The following CD163L1 variants were observed in gnomAD, a reference collection of about 807,000 sequenced individuals.
CD163L1 encodes the protein CD163 molecule like 1, also known as scavenger receptor cysteine-rich type 1 protein M160.
Under a neutral mutation model 165.4 loss-of-function variants are expected in CD163L1, and 124 were observed. The ratio of observed to expected loss-of-function variants is 0.75; its 90% CI spans 0.65 to 0.87. The LOEUF (loss-of-function observed/expected upper bound fraction) is 0.87, where lower values mean the gene tolerates loss of function less well. CD163L1 is among the 40% of genes least tolerant of loss of function. The pLI, the probability that CD163L1 is intolerant of heterozygous loss-of-function variation, is 0.00. For synonymous variants in CD163L1, 585 were observed against 662.2 expected, an observed-to-expected ratio of 0.88 and a Z score of 1.79; for missense variants, 1,525 against 1,799.9, an observed-to-expected ratio of 0.85 and a Z score of 2.76.
intron 18 of CD163L1, among the ~76,000 whole-genome samples, chr12:7,362,768 A>G (rs936299731): frequency 6.7e-6 from 1 of 149,394 alleles, no homozygotes; most frequent in Non-Finnish European, 1.5e-5. Flanking sequence ...TGATCCAGCA[A>G]TCCTCCTACT....
intron 4 of CD163L1, among the ~76,000 whole-genome samples, chr12:7,412,868 G>T (rs1278604656): frequency 6.6e-6 from 1 of 152,006 alleles, no homozygotes; most frequent in Non-Finnish European, 1.5e-5. Context: ...AGGCCGAGGC[G>T]GGTAGATCAC....
At chr12:7,380,372 T>TGTATGTGTGTATACGCGTATACAC (rs1565784301) in intron 8 of CD163L1, among the ~76,000 whole-genome samples, 1,765 of 145,102 alleles carry the variant, frequency 0.012, 46 homozygotes, top group Non-Finnish European at 0.021. Flanking sequence ...CGCGTATACA[T>TGTATGTGTGTATACGCGTATACAC]ACATGTATGT....
chr12:7,433,798 A>T (rs934761572), intron 2 of CD163L1, 104 bp from the exon 3 acceptor site: 2 of 845,250 alleles, frequency 2.4e-6, no homozygotes, highest in Non-Finnish European at 3.6e-6. Context: ...AAATGTTGTT[A>T]TTAGAACTTA....
At chr12:7,362,685 T>C (rs1483749665) in intron 18 of CD163L1, among the ~76,000 whole-genome samples, 1 of 146,500 alleles carries the variant, frequency 6.8e-6, no homozygotes, top group East Asian at 1.9e-4. Context: ...TTTATATTAA[T>C]ATAATTATAC....
At position 7,433,709 on chromosome 12, in the gene CD163L1, G is replaced by T; in HGVS notation, c.125-15C>A. 2 of 1,584,232 alleles carry T rather than the reference G, an allele frequency of 1.3e-6. No homozygotes were observed. Among genetic ancestry groups the T allele is most frequent in the Non-Finnish European group, 1.7e-6 (2 of 1,160,260 alleles). Reference sequence around the variant, plus strand: ...ATCTGTTCCATCTGCAAGAAAGACAGAAACATACATTAGAGATGGCAAAGA... The same window carrying T: ...ATCTGTTCCATCTGCAAGAAAGACATAAACATACATTAGAGATGGCAAAGA... On this transcript the variant is annotated splice_polypyrimidine_tract_variant and intron_variant, in intron 2 of 19. Coordinates refer to ENST00000313599, the MANE Select transcript of CD163L1 (RefSeq NM_174941.6).
In CD163L1 at chr12:7,347,078, C is replaced by G. The variant is rs1332372603; in HGVS notation, c.*94G>C. ...GTAGGATTTCCCTAGTTCCTTTGAC[C>G]GCTGCTCTTCATGGTGAGTTTTCAA... is the stretch of plus-strand genomic sequence containing the variant. On this transcript the variant is annotated 3_prime_UTR_variant, in exon 5 of 5. Coordinates refer to the CD163L1 transcript ENST00000539726. This position sits in a 1 kb window ranked among gnomAD's most constrained non-coding sequence, Gnocchi z 4.2. 3 of 152,162 alleles carry G rather than the reference C, an allele frequency of 2.0e-5. No individual in the cohort carries two copies. Among genetic ancestry groups the G allele is most frequent in the African/African-American group, 7.2e-5 (3 of 41,424 alleles). 9.4% of individuals were successfully genotyped at this position (152,162 alleles called of 1,614,324 possible).
chr12:7,333,668 CA>C, the CD163L1 span, among the ~76,000 whole-genome samples: 3 of 152,072 alleles, frequency 2.0e-5, no homozygotes, highest in Admixed American at 2.0e-4. Flanking sequence ...GATAGAGACT[CA>C]AAAAACCCTT....
intron 9 of CD163L1, among the ~76,000 whole-genome samples, chr12:7,377,422 G>C (rs1050462639): frequency 6.6e-6 from 1 of 152,084 alleles, no homozygotes; most frequent in Non-Finnish European, 1.5e-5. Flanking sequence ...CACTACTCTA[G>C]AATCTCCTAT....
chr12:7,367,180 T>A, intron 18 of CD163L1, 56 bp downstream of exon 18: 1 of 1,031,590 alleles, frequency 9.7e-7, no homozygotes. Context: ...ATATCAGCGG[T>A]ATTTCCTCAT....
rs756380314 is a variant in CD163L1 at position 7,427,811 on chromosome 12, G to A, written c.766+4605C>T. Among the ~76,000 whole-genome samples, 4 of 152,206 alleles carry A rather than the reference G, an allele frequency of 2.6e-5. No individual in the cohort carries two copies. The South Asian group carries it at 8.3e-4, about 32-fold the overall frequency. On this transcript the variant is annotated intron_variant, in intron 4 of 19. Transcript: ENST00000313599. Reference sequence around the variant, plus strand: ...AAATTATAGAGGTTTCAGATTGTCTGTATTTAATGGTACTGGTCAATGATT... The same window carrying A: ...AAATTATAGAGGTTTCAGATTGTCTATATTTAATGGTACTGGTCAATGATT...
chr12:7,407,236 A>C (rs1038174385), intron 4 of CD163L1, among the ~76,000 whole-genome samples: 17 of 152,172 alleles, frequency 1.1e-4, no homozygotes, highest in Admixed American at 9.2e-4. Flanking sequence ...AACTGTGTAT[A>C]AGCAGTGGCA....
At chr12:7,433,730 AAAGATTAG>A in intron 2 of CD163L1, 36 bp from the exon 3 acceptor site, 1 of 1,494,382 alleles carries the variant, frequency 6.7e-7, no homozygotes, top group Non-Finnish European at 9.2e-7. Context: ...TAGAGATGGC[AAAGATTAG>A]AAGGCAGAAA....
At position 7,375,332 on chromosome 12, in the gene CD163L1, G is replaced by C; in HGVS notation, c.2950C>G (p.Leu984Val). 1.2e-6 allele frequency: 2 copies of C among 1,614,110 alleles called. No individual in the cohort carries two copies. Among genetic ancestry groups the C allele is most frequent in the South Asian group, 2.2e-5 (2 of 91,080 alleles). ...CCATGGATACAGGGAGGTGCTCCAA[G>C]AACTGTCATTTGACAGTTATCCAGA... ...SLLDNCQMTV[L>V]GAPPCIHGNT... Residue 984 changes from leucine (L) to valine (V), a missense_variant, in exon 11 of 20, where the codon CTT becomes GTT. Coordinates refer to ENST00000313599, the MANE Select transcript of CD163L1 (RefSeq NM_174941.6).
Position 7,373,410 on chromosome 12 carries a change from T to G in CD163L1, c.3640A>C (p.Lys1214Gln). 6.2e-7 allele frequency: 1 copy of G among 1,614,204 alleles called. No homozygotes were observed. Among genetic ancestry groups the G allele is most frequent in the African/African-American group, 1.3e-5 (1 of 75,058 alleles). The change falls in exon 14 of 20, where the codon AAA (lysine) becomes CAA (glutamine). Residue 1214 changes from lysine to glutamine, a missense_variant. By Grantham distance (53) the Lys-to-Gln change is moderately conservative (BLOSUM62 1). Coordinates refer to ENST00000313599, the MANE Select transcript of CD163L1 (RefSeq NM_174941.6). ...CACTGCCATATGGAGATATGCGTTTTAGGACACTGAATGTCATCCACCCAC... is the reference window on the plus strand; with the variant it reads ...CACTGCCATATGGAGATATGCGTTTGAGGACACTGAATGTCATCCACCCAC... ...FMWVDDIQCPKTHISIWQCLS... is the reference protein window; with the variant it reads ...FMWVDDIQCPQTHISIWQCLS...
intron 4 of CD163L1, among the ~76,000 whole-genome samples, chr12:7,407,551 TTGACCACTACGTATATGTATCATATG>T (rs1360863506): frequency 6.6e-6 from 1 of 151,454 alleles, no homozygotes; most frequent in Non-Finnish European, 1.5e-5. Context: ...CTTAGCAAAA[TTGACCACTACGTATATGTATCATATG>T]TAGTGGTCAA....
In CD163L1 at chr12:7,368,065, A is replaced by G. The variant is rs753270527; in HGVS notation, c.4183+22T>C. 7.1e-7 allele frequency: 1 copy of G among 1,406,456 alleles called. No homozygotes were observed. The highest frequency in any genetic ancestry group is 1.0e-6 in the Non-Finnish European group (1 of 992,768). The allele number at this position is 1,406,456 out of a possible 1,614,324, so 87.1% of individuals were successfully genotyped here. A position where few individuals can be genotyped will look rare whatever the true frequency, so the allele number is the denominator to read the frequency against. On this transcript the variant is annotated intron_variant, in intron 17 of 19. Coordinates refer to ENST00000313599, the MANE Select transcript of CD163L1 (RefSeq NM_174941.6). The surrounding 1 kb of genome is among the most constrained non-coding windows in gnomAD (Gnocchi z 4.3). ...TGGTGGCAGGTAACTCACATTTTAT[A>G]CAATCCTAGTGGGGCTCTCACCTCT...
chr12:7,403,995 A>G lies in CD163L1; in HGVS notation c.1088-140T>C, dbSNP rs775554277. 9.7e-5 allele frequency: 52 copies of G among 535,978 alleles called. No individual in the cohort carries two copies. In the Middle Eastern group the frequency reaches 1.3e-3, roughly 13 times the overall value. 33.2% of individuals were successfully genotyped at this position (535,978 alleles called of 1,614,324 possible). On this transcript the variant is annotated intron_variant, in intron 5 of 19. Coordinates refer to ENST00000313599, the MANE Select transcript of CD163L1 (RefSeq NM_174941.6). ...AAGTAAAGACTAAAGACTGGAAATC[A>G]TTTTGTTTTAAAATTTTAAAGATTG...
the CD163L1 span, among the ~76,000 whole-genome samples, chr12:7,340,018 T>C: frequency 6.6e-6 from 1 of 152,140 alleles, no homozygotes; most frequent in Admixed American, 6.6e-5. Context: ...AGGTTGTGTA[T>C]ATTATGGAAC....
intron 5 of CD163L1, among the ~76,000 whole-genome samples, chr12:7,404,640 C>T (rs1305440475): frequency 2.6e-5 from 4 of 152,048 alleles, no homozygotes; most frequent in Non-Finnish European, 4.4e-5. Context: ...CTCATCTCCT[C>T]CCATTATTCA....
Sources: gnomAD v4.1 joint callset for allele counts (sites outside exome capture counted in the v4.1 genomes callset) on GRCh38, gnomAD v4.1.1 for gene constraint, Gnocchi (gnomAD v3.1) non-coding constraint, MANE v1.5 for transcripts, NCBI Gene and HGNC (gene_info 2026-07-23, HGNC 2026-07-21) for gene names.